ASCC3: variants seen among roughly 807,000 people sequenced by gnomAD.
ASCC3 encodes the protein activating signal cointegrator 1 complex subunit 3.
Under a neutral mutation model 256.3 loss-of-function variants are expected in ASCC3, and 158 were observed. That is an observed-to-expected ratio of 0.62 (90% CI 0.54 to 0.70). The LOEUF is 0.70. Ranked by LOEUF, ASCC3 falls within the 30% of genes least tolerant of loss-of-function variation. The pLI is 0.00. For missense variants in ASCC3, 2,259 were observed against 2,626.0 expected (o/e 0.86, Z 3.05); for synonymous variants, 948 against 883.4 (o/e 1.07, Z -1.30).
In ASCC3 at chr6:100,577,900, G is replaced by A. The variant is rs1345203010; in HGVS notation, c.5550+11734C>T. ...GTATATAGTCTGTGGGTAGAATAGT[G>A]AGCAACGAAATTGAGTATGAAAAAA... is the stretch of plus-strand genomic sequence containing the variant. On this transcript the variant is annotated intron_variant, in intron 36 of 41. Transcript: ENST00000369162. Among the ~76,000 whole-genome samples, 6 of 151,996 alleles carry A rather than the reference G, an allele frequency of 3.9e-5. No homozygotes were observed. In the South Asian group the frequency reaches 1.2e-3, roughly 32 times the overall value.
chr6:100,790,717 T>C (rs1221465417), intron 8 of ASCC3, among the ~76,000 whole-genome samples: 1 of 151,982 alleles, frequency 6.6e-6, no homozygotes, highest in African/African-American at 2.4e-5. Context: ...TTTAATCTTC[T>C]CCATTCTAAT....
rs117968100 is a variant in ASCC3, at chr6:100,722,072, T to C, written c.1902+3467A>G. On this transcript the variant is annotated intron_variant, in intron 11 of 41. Transcript: ENST00000369162. ...ATATGGCTAACCAGTTATCTCAGCA[T>C]TATTTATTGAAGAGGGAGTCCTTTC... Among the ~76,000 whole-genome samples the C allele has an allele frequency of 0.013, 1,947 of 151,814 alleles. 99 individuals are homozygous for C. In the East Asian group the frequency reaches 0.15, roughly 11 times the overall value.
chr6:100,583,639 G>A (rs1321776362), intron 36 of ASCC3, among the ~76,000 whole-genome samples: 1 of 152,102 alleles, frequency 6.6e-6, no homozygotes, highest in Non-Finnish European at 1.5e-5. Context: ...GCTTTTGAAT[G>A]TGATTGCTCT....
intron 13 of ASCC3, among the ~76,000 whole-genome samples, chr6:100,704,807 G>A (rs1276551575): frequency 6.6e-6 from 1 of 151,990 alleles, no homozygotes; most frequent in Admixed American, 6.6e-5. Context: ...TCAGTAAGAA[G>A]CTGCAAAGAA....
intron 8 of ASCC3, among the ~76,000 whole-genome samples, chr6:100,784,112 C>G (rs1337801354): frequency 6.6e-6 from 1 of 152,092 alleles, no homozygotes; most frequent in Non-Finnish European, 1.5e-5. Context: ...TTACTTTACA[C>G]TTTTATTTTT....
At chr6:100,728,761 C>T (rs933854576) in intron 10 of ASCC3, among the ~76,000 whole-genome samples, 1 of 152,036 alleles carries the variant, frequency 6.6e-6, no homozygotes, top group Admixed American at 6.6e-5. Context: ...TCTCCTTTCC[C>T]ACTCTCTCCT....
At chr6:100,814,479 C>T (rs114288505) in intron 4 of ASCC3, among the ~76,000 whole-genome samples, 2,237 of 152,190 alleles carry the variant, frequency 0.015, 47 homozygotes, top group African/African-American at 0.052. Flanking sequence ...GGAGGAGTCC[C>T]TCCTCCCCAT....
intron 8 of ASCC3, among the ~76,000 whole-genome samples, chr6:100,770,737 C>T (rs1004037868): frequency 1.3e-5 from 2 of 151,764 alleles, no homozygotes; most frequent in Admixed American, 6.6e-5. Context: ...AAAAATAGCA[C>T]TCTGTTATGA....
At chr6:100,735,308 C>T (rs1343547533) in intron 10 of ASCC3, among the ~76,000 whole-genome samples, 3 of 152,154 alleles carry the variant, frequency 2.0e-5, no homozygotes, top group Non-Finnish European at 4.4e-5. Flanking sequence ...GATTTTACAA[C>T]ACTATTTGCA....
chr6:100,541,430 A>G (rs1775457428), intron 36 of ASCC3, among the ~76,000 whole-genome samples: 1 of 152,192 alleles, frequency 6.6e-6, no homozygotes, highest in Non-Finnish European at 1.5e-5. Context: ...TACTGCATGG[A>G]GCGTTACCAC....
intron 11 of ASCC3, among the ~76,000 whole-genome samples, chr6:100,723,881 TA>T (rs1779476380): frequency 7.2e-6 from 1 of 138,760 alleles, no homozygotes; most frequent in Non-Finnish European, 1.5e-5. Flanking sequence ...TATATATATA[TA>T]TATATATATA....
At chr6:100,631,089 A>G in intron 26 of ASCC3, 39 bp downstream of exon 26, 1 of 1,430,576 alleles carries the variant, frequency 7.0e-7, no homozygotes, top group Non-Finnish European at 9.8e-7. Context: ...CCTTTTAGTC[A>G]ATTCAAAGCG....
At position 100,718,218 on chromosome 6, in the gene ASCC3, C is replaced by T. The variant is rs753028569; in HGVS notation, c.1936G>A (p.Gly646Arg). The change falls in exon 12 of 42, where the codon GGA (glycine) becomes AGA (arginine). Residue 646 changes from glycine to arginine, a missense_variant. By Grantham distance (125) the Gly-to-Arg change is moderately radical (BLOSUM62 -2). Transcript: ENST00000369162. ...TAGTTAGGTAAAGTTGCAGACAGTCCGAGAATCCTTATCATACTCTGTGTG... is the reference window on the plus strand; with the variant it reads ...TAGTTAGGTAAAGTTGCAGACAGTCTGAGAATCCTTATCATACTCTGTGTG... The part of the protein sequence containing the change: ...ESTQSMIRIL[G>R]LSATLPNYLD... The T allele has an allele frequency of 2.5e-6, 4 of 1,612,126 alleles. No homozygotes were observed. The highest frequency in any genetic ancestry group is 1.3e-5 in the African/African-American group (1 of 74,782).
chr6:100,808,445 C>T (rs77001800), intron 4 of ASCC3, among the ~76,000 whole-genome samples: 2,037 of 151,882 alleles, frequency 0.013, 20 homozygotes, highest in East Asian at 0.045. Flanking sequence ...TATTTGAAAA[C>T]GCTTTTAAAA....
chr6:100,538,394 A>C (rs1263644402), intron 37 of ASCC3, among the ~76,000 whole-genome samples: 1 of 152,186 alleles, frequency 6.6e-6, no homozygotes, highest in Non-Finnish European at 1.5e-5. Context: ...TTACATGTTT[A>C]TTATAGCCTT....
At chr6:100,771,817 G>A (rs937588017) in intron 8 of ASCC3, among the ~76,000 whole-genome samples, 6 of 149,602 alleles carry the variant, frequency 4.0e-5, no homozygotes, top group African/African-American at 1.5e-4. Flanking sequence ...CACACATACT[G>A]ATAGCAGATA....
chr6:100,875,855 G>A (rs887640257), intron 1 of ASCC3, among the ~76,000 whole-genome samples: 2 of 147,484 alleles, frequency 1.4e-5, no homozygotes, highest in Admixed American at 1.3e-4. Context: ...GGAGAAAATA[G>A]GGAAAAAACA....
intron 30 of ASCC3, among the ~76,000 whole-genome samples, chr6:100,618,542 G>C (rs1236252058): frequency 6.6e-6 from 1 of 152,344 alleles, no homozygotes. Flanking sequence ...AATAGGTTAT[G>C]TACTCAGTGG....
chr6:100,573,862 T>C (rs2114730104), intron 36 of ASCC3, among the ~76,000 whole-genome samples: 1 of 152,278 alleles, frequency 6.6e-6, no homozygotes, highest in Non-Finnish European at 1.5e-5. Flanking sequence ...AGATTGCGTT[T>C]GCGATTTAAA....
Sources: gnomAD v4.1 joint callset for allele counts (sites outside exome capture counted in the v4.1 genomes callset) on GRCh38, gnomAD v4.1.1 for gene constraint, MANE v1.5 for transcripts, NCBI Gene and HGNC (gene_info 2026-07-23, HGNC 2026-07-21) for gene names.